Variants in ZNF550 observed in about 807,000 individuals in gnomAD.
ZNF550 encodes zinc finger protein 550.
A neutral mutation model predicts 40.2 loss-of-function variants in ZNF550; 42 were observed. The ratio of observed to expected loss-of-function variants is 1.05; its 90% confidence interval spans 0.82 to 1.35. ZNF550 has a LOEUF of 1.35. Ranked by LOEUF, ZNF550 falls within the 40% of genes most tolerant of loss-of-function variation. The pLI is 0.00. For synonymous variants in ZNF550, 223 were observed against 198.6 expected, an observed-to-expected ratio of 1.12 and a Z score of -1.03; for missense variants, 549 against 525.2, an observed-to-expected ratio of 1.05 and a Z score of -0.44.
chr19:57,546,772 C>A, exon 4 of ZNF550: 3 of 1,359,014 alleles, frequency 2.2e-6, no homozygotes, highest in South Asian at 4.1e-5. Flanking sequence ...CTGAAGGGAT[C>A]CTTACATTCA....
chr19:57,546,391 T>C, intron 4 of ZNF550: 2 of 716,420 alleles, frequency 2.8e-6, no homozygotes, highest in Non-Finnish European at 3.4e-6. Context: ...CTCTCAAACA[T>C]TCCCCTACCA....
chr19:57,555,837 T>C (rs898241027), intron 2 of ZNF550: 3 of 238,814 alleles, frequency 1.3e-5, no homozygotes, highest in African/African-American at 7.0e-5. Context: ...TTACAGAGAT[T>C]GTATTGCTTA....
At chr19:57,547,335 A>G (rs777761686) in exon 4 of ZNF550, 1 of 1,613,440 alleles carries the variant, frequency 6.2e-7, no homozygotes, top group Non-Finnish European at 8.5e-7. Flanking sequence ...TATTATGGCG[A>G]ATAAAAGTAG....
At chr19:57,545,806 A>G (rs1248510381) in intron 4 of ZNF550, among the ~76,000 whole-genome samples, 1 of 152,202 alleles carries the variant, frequency 6.6e-6, no homozygotes, top group Non-Finnish European at 1.5e-5. Context: ...TGAAGCCAGG[A>G]GTTCCAGACC....
chr19:57,542,600 AG>A (rs1242457434), exon 5 of ZNF550: 1 of 152,182 alleles, frequency 6.6e-6, no homozygotes, highest in Non-Finnish European at 1.5e-5. Context: ...TGAGTGAAAA[AG>A]AAAAAAAAAG....
In ZNF550 at chr19:57,547,667, CTT is replaced by C; in HGVS notation, c.575_576del (p.Lys192ArgfsTer21). 12 of 1,614,208 alleles carry C rather than the reference CTT, an allele frequency of 7.4e-6. No homozygotes were observed. The highest frequency in any genetic ancestry group is 1.0e-5 in the Non-Finnish European group (12 of 1,180,038). On this transcript the variant is annotated frameshift_variant, in exon 4 of 5. Coordinates refer to ENST00000457177, the Ensembl canonical transcript of ZNF550. LOFTEE classifies it high-confidence loss of function. ...TTTGTCCCTGCATGAATCAAGGCGTCTTTCCCTGGTTGCTGTGAGTCACATTC... is the reference window on the plus strand; with the variant it reads ...TTTGTCCCTGCATGAATCAAGGCGTCTCCCTGGTTGCTGTGAGTCACATTC...
exon 4 of ZNF550, chr19:57,547,338 A>T: frequency 6.2e-7 from 1 of 1,613,362 alleles, no homozygotes; most frequent in Non-Finnish European, 8.5e-7. Flanking sequence ...TATGGCGAAT[A>T]AAAGTAGACC....
chr19:57,545,113 C>G (rs190068328), intron 4 of ZNF550, among the ~76,000 whole-genome samples: 4 of 152,310 alleles, frequency 2.6e-5, no homozygotes, highest in Admixed American at 2.0e-4. Flanking sequence ...CGGAGTGAGA[C>G]TCCATCTCAA....
chr19:57,554,536 G>A lies in ZNF550; in HGVS notation c.154+1695C>T, dbSNP rs2090102526. 1 of 152,224 alleles carries A rather than the reference G, an allele frequency of 6.6e-6. No homozygotes were observed. The highest frequency in any genetic ancestry group is 2.1e-4 in the South Asian group (1 of 4,832). 9.4% of individuals were successfully genotyped at this position (152,224 alleles called of 1,614,324 possible). A position where few individuals can be genotyped will look rare whatever the true frequency, so the allele number is the denominator to read the frequency against. ...CTTCCAGGTGAAGCCAGTTTGATCT[G>A]GTTTTCTGTTATATGCAGCCAAATG... On this transcript the variant is annotated intron_variant, in intron 2 of 4. Transcript: ENST00000457177. This position sits in a 1 kb window ranked among gnomAD's most constrained non-coding sequence, Gnocchi z 4.5.
At chr19:57,542,509 A>G (rs1393570159) in exon 5 of ZNF550, 1 of 152,066 alleles carries the variant, frequency 6.6e-6, no homozygotes, top group African/African-American at 2.4e-5. Context: ...ATGATGTAAA[A>G]TATTACATGG....
At chr19:57,561,113 G>A (rs1025606338), upstream of ZNF550, among the ~76,000 whole-genome samples, 8 of 151,916 alleles carry the variant, frequency 5.3e-5, no homozygotes, top group African/African-American at 1.9e-4. This position sits in a 1 kb window ranked among gnomAD's most constrained non-coding sequence, Gnocchi z 4.9. Flanking sequence ...TCTTATTTTG[G>A]GTTTTCTGTT....
upstream of ZNF550, among the ~76,000 whole-genome samples, chr19:57,560,947 GTTTC>G (rs2090161838): frequency 6.6e-6 from 1 of 152,130 alleles, no homozygotes; most frequent in African/African-American, 2.4e-5. Flanking sequence ...TTTTGTGGGT[GTTTC>G]TTTAATTAGA....
At chr19:57,546,678 A>G (rs549599979) in exon 4 of ZNF550, 4 of 1,147,758 alleles carry the variant, frequency 3.5e-6, no homozygotes, top group Middle Eastern at 3.7e-4. Flanking sequence ...TTTCTCCAGC[A>G]TGAGTTCTCT....
exon 4 of ZNF550, chr19:57,547,085 T>A (rs1461869329): frequency 6.2e-7 from 1 of 1,613,518 alleles, no homozygotes; most frequent in Non-Finnish European, 8.5e-7. Flanking sequence ...GAGTGCTGAA[T>A]GAGGTACGTG....
At chr19:57,544,372 G>A in intron 4 of ZNF550, 2 of 985,434 alleles carry the variant, frequency 2.0e-6, no homozygotes, top group Non-Finnish European at 2.4e-6. Context: ...GGGACAAACT[G>A]GGGCCTAGGT....
rs1240381322 is a variant in ZNF550 at position 57,546,915 on chromosome 19, G to C, written c.*60C>G. ...CTTCCTACAGTGTGGGTCCCATTAT[G>C]AATGATAAAATAACAGTGGGTAAAG... is the stretch of plus-strand genomic sequence containing the variant. On this transcript the variant is annotated 3_prime_UTR_variant, in exon 4 of 5. Coordinates refer to ENST00000457177, the Ensembl canonical transcript of ZNF550. 2.0e-6 allele frequency: 3 copies of C among 1,535,520 alleles called. No homozygotes were observed. The African/African-American group carries it at 4.1e-5, about 21-fold the overall frequency.
chr19:57,555,088 A>G (rs909743067), intron 2 of ZNF550: 1 of 152,116 alleles, frequency 6.6e-6, no homozygotes, highest in African/African-American at 2.4e-5. Flanking sequence ...CTTTATCCTG[A>G]CCCACTTTTG....
intron 3 of ZNF550, among the ~76,000 whole-genome samples, chr19:57,550,968 A>G (rs1027705813): frequency 6.6e-5 from 10 of 152,282 alleles, no homozygotes; most frequent in African/African-American, 1.9e-4. Flanking sequence ...ATTTGAGTAC[A>G]CTTTTTTTTG....
chr19:57,559,528 C>G (rs1230244539), intron 1 of ZNF550, 128 bp downstream of exon 1: 3 of 911,668 alleles, frequency 3.3e-6, no homozygotes, highest in South Asian at 3.9e-5. Context: ...CGCGCGACCC[C>G]CTTCTAGGCC....
Sources: gnomAD v4.1 joint callset for allele counts (sites outside exome capture counted in the v4.1 genomes callset) on GRCh38, gnomAD v4.1.1 for gene constraint, Gnocchi (gnomAD v3.1) non-coding constraint, MANE v1.5 for transcripts, NCBI Gene and HGNC (gene_info 2026-07-23, HGNC 2026-07-21) for gene names.